PATJ: variants seen among roughly 807,000 people sequenced by gnomAD.
PATJ encodes PATJ crumbs cell polarity complex component, also known as inaD-like protein.
A neutral mutation model predicts 224.9 loss-of-function variants in PATJ; 190 were observed. The ratio of observed to expected loss-of-function variants is 0.84; its 90% CI spans 0.75 to 0.95. The LOEUF (loss-of-function observed/expected upper bound fraction) is 0.95, where lower values mean the gene tolerates loss of function less well. Among genes scored for constraint, PATJ ranks in the 40% least tolerant of loss-of-function variants. The pLI is 0.00. For missense variants in PATJ, 2,121 were observed against 2,270.3 expected (o/e 0.93, Z 1.34); for synonymous variants, 769 against 820.3 (o/e 0.94, Z 1.07).
intron 30 of PATJ, among the ~76,000 whole-genome samples, chr1:62,042,384 C>T (rs1651678321): frequency 6.6e-6 from 1 of 152,180 alleles, no homozygotes; most frequent in African/African-American, 2.4e-5. Flanking sequence ...ACCACTTTCT[C>T]TTCCTTTCCC....
At chr1:62,143,297 A>C (rs1204450409) in intron 41 of PATJ, among the ~76,000 whole-genome samples, 1 of 152,174 alleles carries the variant, frequency 6.6e-6, no homozygotes, top group Non-Finnish European at 1.5e-5. Flanking sequence ...TACTAAAATG[A>C]GGAAAACTAG....
At chr1:62,139,980 G>A (rs564846888) in intron 41 of PATJ, among the ~76,000 whole-genome samples, 28 of 152,004 alleles carry the variant, frequency 1.8e-4, no homozygotes, top group African/African-American at 6.5e-4. Flanking sequence ...GGGTGGTCTC[G>A]AACTCCTGGG....
At position 61,805,573 on chromosome 1, in the gene PATJ, A is replaced by C. The variant is rs1223399539; in HGVS notation, c.1626+49A>C. ...AAACATTCATGTCTCATTTCACATC[A>C]AGTTTCTAACAGTACGATCCAAAGA... On this transcript the variant is annotated intron_variant, in intron 13 of 43. Coordinates refer to ENST00000642238, the MANE Select transcript of PATJ (RefSeq NM_001350145.3). The C allele has an allele frequency of 5.3e-6, 6 of 1,137,954 alleles. No homozygotes were observed. In the East Asian group the frequency reaches 1.4e-4, roughly 27 times the overall value. 70.5% of individuals were successfully genotyped at this position (1,137,954 alleles called of 1,614,324 possible). A position where few individuals can be genotyped will look rare whatever the true frequency, so the allele number is the denominator to read the frequency against.
At chr1:61,822,670 G>A (rs1657526216) in intron 14 of PATJ, among the ~76,000 whole-genome samples, 2 of 152,198 alleles carry the variant, frequency 1.3e-5, no homozygotes, top group Admixed American at 6.5e-5. Flanking sequence ...GACTACGGAA[G>A]TGTGGACTGC....
chr1:61,930,626 G>T (rs1571346333), intron 27 of PATJ, among the ~76,000 whole-genome samples: 1 of 152,162 alleles, frequency 6.6e-6, no homozygotes, highest in East Asian at 1.9e-4. Flanking sequence ...AGATTGGAGT[G>T]CAGTAGCTCA....
Position 61,840,225 on chromosome 1 carries a change from G to A in PATJ, c.2112+6440G>A, listed in dbSNP as rs529971870. Among the ~76,000 whole-genome samples the A allele has an allele frequency of 1.1e-4, 17 of 152,080 alleles. No homozygotes were observed. The East Asian group carries it at 3.1e-3, about 28-fold the overall frequency. Reference sequence around the variant, plus strand: ...TTTATAAAAGTTGTAGGACGGGATTGTATACATTTCATGTATGTCTTTAAG... The same window carrying A: ...TTTATAAAAGTTGTAGGACGGGATTATATACATTTCATGTATGTCTTTAAG... On this transcript the variant is annotated intron_variant, in intron 17 of 43. Coordinates refer to ENST00000642238, the MANE Select transcript of PATJ (RefSeq NM_001350145.3).
chr1:61,767,227 C>T (rs544968263), intron 4 of PATJ, among the ~76,000 whole-genome samples: 2 of 152,170 alleles, frequency 1.3e-5, no homozygotes, highest in East Asian at 3.9e-4. Context: ...ATGTTCACCT[C>T]GACCTTCAAG....
At chr1:61,823,126 T>G (rs776088574) in intron 15 of PATJ, 47 bp downstream of exon 15, 1 of 1,599,536 alleles carries the variant, frequency 6.3e-7, no homozygotes, top group Non-Finnish European at 8.6e-7. Flanking sequence ...TCTGTAAGTT[T>G]TAGGAAAACG....
intron 1 of PATJ, among the ~76,000 whole-genome samples, chr1:61,762,228 A>T (rs1166190851): frequency 6.6e-6 from 1 of 152,126 alleles, no homozygotes; most frequent in Admixed American, 6.5e-5. Context: ...ATAATTGTAG[A>T]TTAGTTTTGT....
At chr1:62,082,584 A>G (rs1342662424) in intron 32 of PATJ, among the ~76,000 whole-genome samples, 1 of 152,086 alleles carries the variant, frequency 6.6e-6, no homozygotes, top group Non-Finnish European at 1.5e-5. Flanking sequence ...TTTTTCTATA[A>G]AGAAGTAGAT....
At chr1:62,040,998 T>C (rs1651385415) in intron 30 of PATJ, among the ~76,000 whole-genome samples, 1 of 152,186 alleles carries the variant, frequency 6.6e-6, no homozygotes, top group Non-Finnish European at 1.5e-5. Flanking sequence ...CTCAATGAGA[T>C]AGATTTAAAT....
At chr1:61,795,124 A>G (rs973815732) in intron 9 of PATJ, among the ~76,000 whole-genome samples, 1 of 144,806 alleles carries the variant, frequency 6.9e-6, no homozygotes, top group East Asian at 2.0e-4. Context: ...AAAAAAAAAG[A>G]AGTTTTATGC....
chr1:61,833,221 A>G (rs970327911), intron 16 of PATJ: 2 of 151,970 alleles, frequency 1.3e-5, no homozygotes, highest in African/African-American at 4.8e-5. Context: ...CTGTGTTGAT[A>G]TTTCTTTCTT....
At chr1:61,927,685 T>A (rs773628793) in intron 26 of PATJ, 45 bp from the exon 27 acceptor site, 5 of 1,183,788 alleles carry the variant, frequency 4.2e-6, no homozygotes, top group Non-Finnish European at 6.2e-6. Flanking sequence ...GAAAGAGCAT[T>A]GTACAAGAAG....
At chr1:62,052,053 T>C (rs978865127) in intron 31 of PATJ, among the ~76,000 whole-genome samples, 3 of 152,192 alleles carry the variant, frequency 2.0e-5, no homozygotes, top group Non-Finnish European at 2.9e-5. Context: ...TTTTCTGTTT[T>C]GTAGCCCAGC....
At chr1:61,984,736 C>A (rs1020304914) in intron 27 of PATJ, among the ~76,000 whole-genome samples, 12 of 151,982 alleles carry the variant, frequency 7.9e-5, no homozygotes, top group Non-Finnish European at 1.2e-4. Flanking sequence ...CTATACTATT[C>A]AGTATATTTG....
intron 17 of PATJ, chr1:61,852,552 C>T (rs930921968): frequency 2.6e-5 from 4 of 151,994 alleles, no homozygotes; most frequent in African/African-American, 4.8e-5. Flanking sequence ...GAGATCAGCA[C>T]GACCCTTGTG....
At chr1:62,090,695 C>T (rs950726417) in intron 33 of PATJ, among the ~76,000 whole-genome samples, 2 of 152,134 alleles carry the variant, frequency 1.3e-5, no homozygotes, top group African/African-American at 2.4e-5. Context: ...TCCCTCCACC[C>T]CTCTGGTCTT....
At chr1:62,036,201 G>A (rs1650352815) in intron 29 of PATJ, among the ~76,000 whole-genome samples, 1 of 152,166 alleles carries the variant, frequency 6.6e-6, no homozygotes, top group Non-Finnish European at 1.5e-5. Context: ...TTGCTGGGTG[G>A]AGAATGGGTT....
Sources: allele counts gnomAD v4.1 joint callset (sites outside exome capture counted in the v4.1 genomes callset), GRCh38; gene constraint gnomAD v4.1.1; transcripts MANE v1.5; gene names NCBI Gene and HGNC (gene_info 2026-07-23, HGNC 2026-07-21).